The following ZNF529 variants were observed in gnomAD, a reference collection of about 807,000 sequenced individuals.
ZNF529 encodes zinc finger protein 529.
ZNF529 carries 11 observed loss-of-function variants against 10.1 expected under a neutral mutation model. The ratio of observed to expected loss-of-function variants is 1.09; its 90% CI spans 0.69 to 1.81. The LOEUF (loss-of-function observed/expected upper bound fraction) is 1.81. ZNF529 is among the 40% of genes most tolerant of loss of function. The pLI is 0.00. For missense variants in ZNF529, 624 were observed against 666.8 expected (o/e 0.94, Z 0.71); for synonymous variants, 204 against 215.7 (o/e 0.95, Z 0.47).
chr19:36,564,555 TC>T (rs1206760539), intron 2 of ZNF529, among the ~76,000 whole-genome samples: 4 of 152,204 alleles, frequency 2.6e-5, no homozygotes, highest in Non-Finnish European at 4.4e-5. Flanking sequence ...GTTAGCCATC[TC>T]ATATCAGTCA....
intron 1 of ZNF529, chr19:36,604,857 GGCTGTGCACCT>G (rs1156229336): frequency 6.6e-6 from 1 of 151,962 alleles, no homozygotes; most frequent in African/African-American, 2.4e-5. Flanking sequence ...GGCTGTCCCG[GGCTGTGCACCT>G]GCTGTGCACA....
At chr19:36,563,370 C>CCT (rs1203261677) in intron 2 of ZNF529, among the ~76,000 whole-genome samples, 1 of 151,500 alleles carries the variant, frequency 6.6e-6, no homozygotes, top group Non-Finnish European at 1.5e-5. Flanking sequence ...TTGCAGTAAG[C>CCT]CGAGATCACA....
At chr19:36,596,464 A>G (rs1220730117) in intron 1 of ZNF529, among the ~76,000 whole-genome samples, 1 of 151,942 alleles carries the variant, frequency 6.6e-6, no homozygotes, top group Non-Finnish European at 1.5e-5. Context: ...ATAAATAAAC[A>G]TCAGCTTTTG....
chr19:36,574,041 T>C (rs1409715087), upstream of ZNF529, among the ~76,000 whole-genome samples: 1 of 152,206 alleles, frequency 6.6e-6, no homozygotes. Context: ...ACGAAAAGAC[T>C]CAGACTCTAA....
rs562892122 is a variant in ZNF529 at position 36,601,896 on chromosome 19, A to T, written c.-128+3230T>A. Among the ~76,000 whole-genome samples the T allele has an allele frequency of 3.9e-5, 6 of 152,222 alleles. No homozygotes were observed. In the South Asian group the frequency reaches 1.2e-3, roughly 32 times the overall value. On this transcript the variant is annotated intron_variant, in intron 1 of 4. Transcript: ENST00000585960. The stretch of plus-strand genomic sequence containing the variant: ...TAAAAGGCAAAATTAAGGATATTAT[A>T]TAGGAGTTTATATAAAAGAGAGATG...
chr19:36,553,058 G>T (rs2035323234), intron 4 of ZNF529, among the ~76,000 whole-genome samples: 1 of 152,178 alleles, frequency 6.6e-6, no homozygotes, highest in Non-Finnish European at 1.5e-5. Context: ...ACTCTCTGTT[G>T]TAAGCAACCT....
At chr19:36,588,708 C>G (rs117156692) in intron 2 of ZNF529, among the ~76,000 whole-genome samples, 386 of 152,256 alleles carry the variant, frequency 2.5e-3, no homozygotes, top group Non-Finnish European at 4.8e-3. Context: ...TGGATCAAAC[C>G]TAACAGACAA....
At position 36,588,981 on chromosome 19, in the gene ZNF529, C is replaced by T. The variant is rs60734190; in HGVS notation, c.-41+634G>A. On this transcript the variant is annotated intron_variant, in intron 2 of 4. Coordinates refer to the ZNF529 transcript ENST00000585960. ...TTTTTAAGACAGGATCACGCTCTGT[C>T]ACCCAGGCTGGAGTGCAATGGCACA... Among the ~76,000 whole-genome samples the T allele has an allele frequency of 9.6e-3, 1,432 of 149,698 alleles. 29 individuals are homozygous for T. The highest frequency in any genetic ancestry group is 0.034 in the African/African-American group (1,383 of 40,572).
At chr19:36,577,571 C>T (rs1475813329), upstream of ZNF529, 1 of 152,600 alleles carries the variant, frequency 6.6e-6, no homozygotes, top group Non-Finnish European at 1.5e-5. Flanking sequence ...GTCTCAAACT[C>T]CTGGGCCCAA....
At chr19:36,571,254 A>G (rs2036095074) in intron 2 of ZNF529, among the ~76,000 whole-genome samples, 1 of 152,266 alleles carries the variant, frequency 6.6e-6, no homozygotes, top group South Asian at 2.1e-4. Flanking sequence ...AAAACTTGGT[A>G]TAAAGATATG....
chr19:36,569,283 G>A (rs1486415976), intron 2 of ZNF529, among the ~76,000 whole-genome samples: 1 of 152,092 alleles, frequency 6.6e-6, no homozygotes, highest in Non-Finnish European at 1.5e-5. Flanking sequence ...GGAAAACAGG[G>A]TCCAATCAAA....
chr19:36,574,478 C>T (rs1346245880), upstream of ZNF529, among the ~76,000 whole-genome samples: 1 of 151,916 alleles, frequency 6.6e-6, no homozygotes, highest in Non-Finnish European at 1.5e-5. Context: ...TCCATCATGG[C>T]TTTACTAGTT....
intron 1 of ZNF529, among the ~76,000 whole-genome samples, chr19:36,600,878 T>C (rs1437463612): frequency 6.6e-6 from 1 of 152,242 alleles, no homozygotes; most frequent in Non-Finnish European, 1.5e-5. Context: ...TTTGATTTGT[T>C]GTCAACTATT....
rs73607974 is a variant in ZNF529, at chr19:36,561,649, A to T, written c.15-5452T>A. ...TCATACAGGCTGTGCCACTCCCCAAACCCTAGACCTGTAGAGCCAGCAGCA... is the reference window on the plus strand; with the variant it reads ...TCATACAGGCTGTGCCACTCCCCAATCCCTAGACCTGTAGAGCCAGCAGCA... On this transcript the variant is annotated intron_variant, in intron 2 of 4. Coordinates refer to ENST00000591340, the MANE Select transcript of ZNF529 (RefSeq NM_020951.5). Among the ~76,000 whole-genome samples, 1,473 of 151,758 alleles carry T rather than the reference A, an allele frequency of 9.7e-3. 30 individuals carry two copies. Among genetic ancestry groups the T allele is most frequent in the African/African-American group, 0.034 (1,423 of 41,358 alleles).
chr19:36,602,168 C>T (rs1179819885), intron 1 of ZNF529, among the ~76,000 whole-genome samples: 2 of 151,990 alleles, frequency 1.3e-5, no homozygotes, highest in Non-Finnish European at 2.9e-5. Flanking sequence ...CTGCCTCAGG[C>T]TCCCGAGTAG....
intron 2 of ZNF529, among the ~76,000 whole-genome samples, chr19:36,557,905 G>A (rs2035542052): frequency 6.6e-6 from 1 of 152,042 alleles, no homozygotes; most frequent in South Asian, 2.1e-4. Context: ...TACATATTCA[G>A]GTAGACAAAG....
In ZNF529 at chr19:36,588,408, G is replaced by C. The variant is rs377511355; in HGVS notation, c.-41+1207C>G. Among the ~76,000 whole-genome samples the C allele has an allele frequency of 4.6e-5, 7 of 152,242 alleles. No homozygotes were observed. The East Asian group carries it at 1.2e-3, about 25-fold the overall frequency. ...TCCACTCCCTGCTGTCTTTGCATAG[G>C]AGAACCACAGTCCTGTATTCAGAGG... On this transcript the variant is annotated intron_variant, in intron 2 of 4. Transcript: ENST00000585960.
intron 2 of ZNF529, among the ~76,000 whole-genome samples, chr19:36,584,495 G>A (rs1301108170): frequency 2.0e-5 from 3 of 152,064 alleles, no homozygotes; most frequent in South Asian, 2.1e-4. Context: ...GGCCGGATGC[G>A]GTAGTTCACA....
At chr19:36,568,745 T>A (rs2035990516) in intron 2 of ZNF529, among the ~76,000 whole-genome samples, 1 of 152,176 alleles carries the variant, frequency 6.6e-6, no homozygotes, top group Non-Finnish European at 1.5e-5. Context: ...GTGCTGGGAT[T>A]ACAGGTGTGA....
Sources: gnomAD v4.1 joint callset for allele counts (sites outside exome capture counted in the v4.1 genomes callset) on GRCh38, gnomAD v4.1.1 for gene constraint, MANE v1.5 for transcripts, NCBI Gene and HGNC (gene_info 2026-07-23, HGNC 2026-07-21) for gene names.